HOXA2: variants seen among roughly 807,000 people sequenced by gnomAD.
The protein encoded by HOXA2 is homeobox protein Hox-A2.
HOXA2 carries 4 observed loss-of-function variants against 27.2 expected under a neutral mutation model. That is an observed-to-expected ratio of 0.15 (90% CI 0.07 to 0.34). HOXA2 has a LOEUF of 0.34. Ranked by LOEUF, HOXA2 falls within the 10% of genes least tolerant of loss-of-function variation. The pLI, the probability that HOXA2 is intolerant of heterozygous loss-of-function variation, is 1.00. For missense variants in HOXA2, 430 were observed against 473.2 expected, an observed-to-expected ratio of 0.91 and a Z score of 0.85; for synonymous variants, 200 against 202.8, an observed-to-expected ratio of 0.99 and a Z score of 0.12.
Position 27,100,633 on chromosome 7 carries a change from G to T in HOXA2, c.*93C>A, listed in dbSNP as rs1783908734. On this transcript the variant is annotated 3_prime_UTR_variant, in exon 2 of 2. Transcript: ENST00000222718. ...AAGGAGGGAAGGGGTAGGTCAAGAA[G>T]AAAATAAAAAATAAACTCCCAAATA... 5.6e-6 allele frequency: 8 copies of T among 1,418,754 alleles called. No homozygotes were observed. The highest frequency in any genetic ancestry group is 7.9e-6 in the Non-Finnish European group (8 of 1,009,836). The allele number at this position is 1,418,754 out of a possible 1,614,324, so 87.9% of individuals were successfully genotyped here.
rs867890451 is a variant in HOXA2, at chr7:27,102,152, C to T, written c.349G>A (p.Ala117Thr). 5 of 1,550,818 alleles carry T rather than the reference C, an allele frequency of 3.2e-6. No homozygotes were observed. The highest frequency in any genetic ancestry group is 1.2e-5 in the South Asian group (1 of 84,208). Residue 117 changes from alanine to threonine, a missense_variant, in exon 1 of 2, where the codon GCC becomes ACC. Coordinates refer to ENST00000222718, the MANE Select transcript of HOXA2 (RefSeq NM_006735.4). The surrounding 1 kb of genome is among the most constrained non-coding windows in gnomAD (Gnocchi z 4.6). Reference protein sequence around the residue: ...TALLPAAAAAATAAATGPACL... With the variant: ...TALLPAAAAATTAAATGPACL... ...GCAGGGCCGGTGGCTGCGGCGGTGG[C>T]GGCGGCGGCGGCGGCCGGCAGAAGT...
chr7:27,101,116 T>C lies in HOXA2; in HGVS notation c.741A>G (p.Glu247=). Residue 247 remains glutamate, a synonymous_variant, in exon 2 of 2, where the codon GAA becomes GAG. Transcript: ENST00000222718. ...GGGCATTTTGCTGAAAAGTGTAGCC[T>C]TCCCTCTCCAGAAGGGCCCCAGAGA... is the stretch of plus-strand genomic sequence containing the variant. ...LSVSGALLER[E]GYTFQQNALS... 1.2e-6 allele frequency: 2 copies of C among 1,614,222 alleles called. No individual in the cohort carries two copies. The highest frequency in any genetic ancestry group is 1.7e-6 in the Non-Finnish European group (2 of 1,180,038).
Position 27,100,644 on chromosome 7 carries a change from A to G in HOXA2, c.*82T>C. On this transcript the variant is annotated 3_prime_UTR_variant, in exon 2 of 2. Transcript: ENST00000222718. Reference sequence around the variant, plus strand: ...GGGTAGGTCAAGAAGAAAATAAAAAATAAACTCCCAAATAAAAGAAGGCAA... The same window carrying G: ...GGGTAGGTCAAGAAGAAAATAAAAAGTAAACTCCCAAATAAAAGAAGGCAA... 1 of 1,489,886 alleles carries G rather than the reference A, an allele frequency of 6.7e-7. No individual in the cohort carries two copies. The highest frequency in any genetic ancestry group is 9.3e-7 in the Non-Finnish European group (1 of 1,073,420). The allele number at this position is 1,489,886 out of a possible 1,614,324, so 92.3% of individuals were successfully genotyped here.
chr7:27,100,407 C>A lies in HOXA2; in HGVS notation c.*319G>T, dbSNP rs1783905512. On this transcript the variant is annotated 3_prime_UTR_variant, in exon 2 of 2. Coordinates refer to ENST00000222718, the MANE Select transcript of HOXA2 (RefSeq NM_006735.4). ...CAAAAAATATGCATGACAATGCATC[C>A]CAATGTAATACAAAAATAAAAAGAA... 2 of 307,514 alleles carry A rather than the reference C, an allele frequency of 6.5e-6. No homozygotes were observed. Among genetic ancestry groups the A allele is most frequent in the East Asian group, 7.5e-5 (1 of 13,290 alleles). 19.0% of individuals were successfully genotyped at this position (307,514 alleles called of 1,614,324 possible). A position where few individuals can be genotyped will look rare whatever the true frequency, so the allele number is the denominator to read the frequency against.
rs1434117320 is a variant in HOXA2, at chr7:27,101,190, C to T, written c.667G>A (p.Val223Ile). 3 of 1,614,062 alleles carry T rather than the reference C, an allele frequency of 1.9e-6. No individual in the cohort carries two copies. Among genetic ancestry groups the T allele is most frequent in the Non-Finnish European group, 2.5e-6 (3 of 1,180,042 alleles). Reference protein sequence around the residue: ...KCKSLEDSEKVEEDEEEKTLF... With the variant: ...KCKSLEDSEKIEEDEEEKTLF... ...GTCTTCTCTTCCTCGTCCTCCTCTA[C>T]TTTCTCGGAGTCCTCAAGGCTTTTA... is the stretch of plus-strand genomic sequence containing the variant. The change falls in exon 2 of 2, where the codon GTA becomes ATA. Residue 223 changes from valine (V) to isoleucine (I), a missense_variant. Physicochemically the swap from Val to Ile is conservative, Grantham distance 29. This residue lies in a region of HOXA2 where 236 missense variants were observed against 208.5 expected (regional missense o/e 1.13). Transcript: ENST00000222718.
chr7:27,100,820 C>A lies in HOXA2; in HGVS notation c.1037G>T (p.Gly346Val). 6.2e-7 allele frequency: 1 copy of A among 1,614,156 alleles called. No homozygotes were observed. Among genetic ancestry groups the A allele is most frequent in the Non-Finnish European group, 8.5e-7 (1 of 1,180,036 alleles). The change falls in exon 2 of 2, where the codon GGT becomes GTT. Residue 346 changes from glycine to valine, a missense_variant. This residue lies in a region of HOXA2 where 236 missense variants were observed against 208.5 expected (regional missense o/e 1.13). Transcript: ENST00000222718. Reference sequence around the variant, plus strand: ...AATATCTACGGGACTGTCGAGGGAACCTGGCAAACTGGGTGAAACTGCATC... The same window carrying A: ...AATATCTACGGGACTGTCGAGGGAAACTGGCAAACTGGGTGAAACTGCATC... ...LSDAVSPSLP[G>V]SLDSPVDISA...
rs773263654 is a variant in HOXA2 at position 27,100,750 on chromosome 7, G to A, written c.1107C>T (p.Ile369=). The change falls in exon 2 of 2, where the codon ATC becomes ATT. Residue 369 remains isoleucine (I), a synonymous_variant. Transcript: ENST00000222718. Reference sequence around the variant, plus strand: ...TTTAGTAATTCAGATGCTGCAAGTCGATTGTGGTGAGTGTGTCTGTAAAAA... The same window carrying A: ...TTTAGTAATTCAGATGCTGCAAGTCAATTGTGGTGAGTGTGTCTGTAAAAA... ...LDFFTDTLTT[I]DLQHLNY 1.1e-5 allele frequency: 18 copies of A among 1,614,094 alleles called. No individual in the cohort carries two copies. The highest frequency in any genetic ancestry group is 6.7e-5 in the East Asian group (3 of 44,904).
Position 27,101,143 on chromosome 7 carries a change from G to A in HOXA2, c.714C>T (p.Ser238=). 1.9e-6 allele frequency: 3 copies of A among 1,614,132 alleles called. No individual in the cohort carries two copies. The highest frequency in any genetic ancestry group is 2.5e-6 in the Non-Finnish European group (3 of 1,180,016). The change falls in exon 2 of 2, where the codon AGC becomes AGT. Residue 238 remains serine, a synonymous_variant. Coordinates refer to ENST00000222718, the MANE Select transcript of HOXA2 (RefSeq NM_006735.4). ...EEKTLFEQAL[S]VSGALLEREG... is the part of the protein sequence containing the mutation. ...CCCTCTCCAGAAGGGCCCCAGAGAC[G>A]CTAAGGGCTTGCTCAAAGAGCGTCT...
chr7:27,102,600 A>T lies in HOXA2; in HGVS notation c.-100T>A. The T allele has an allele frequency of 1.7e-6, 2 of 1,191,432 alleles. No homozygotes were observed. Among genetic ancestry groups the T allele is most frequent in the Admixed American group, 3.6e-5 (2 of 55,154 alleles). 73.8% of individuals were successfully genotyped at this position (1,191,432 alleles called of 1,614,324 possible). On this transcript the variant is annotated 5_prime_UTR_variant, in exon 1 of 2. Transcript: ENST00000222718. This position sits in a 1 kb window ranked among gnomAD's most constrained non-coding sequence, Gnocchi z 4.6. The stretch of plus-strand genomic sequence containing the variant: ...AAAAGGCGAGCGCAGAGGAAAAAAA[A>T]TCTATCATAGAATATCGCTGCTAGG...
rs1298901271 is a variant in HOXA2, at chr7:27,102,305, G to A, written c.196C>T (p.Arg66Cys). ...TTGGGGCGGCCGCCAGCGCCGTGGC[G>A]AGGGTGACTGCCGGGGTTCAGGCTG... ...IPSLNPGSHPRHGAGGRPKPS... is the reference protein window; with the variant it reads ...IPSLNPGSHPCHGAGGRPKPS... The change falls in exon 1 of 2, where the codon CGC becomes TGC. Residue 66 changes from arginine (R) to cysteine (C), a missense_variant. Transcript: ENST00000222718. The surrounding 1 kb of genome is among the most constrained non-coding windows in gnomAD (Gnocchi z 4.6). The A allele has an allele frequency of 1.2e-6, 2 of 1,611,692 alleles. No individual in the cohort carries two copies. Among genetic ancestry groups the A allele is most frequent in the East Asian group, 2.2e-5 (1 of 44,742 alleles).
rs1479901431 is a variant in HOXA2 at position 27,102,027 on chromosome 7, T to C, written c.391+83A>G. On this transcript the variant is annotated intron_variant, in intron 1 of 1. Coordinates refer to ENST00000222718, the MANE Select transcript of HOXA2 (RefSeq NM_006735.4). This position sits in a 1 kb window ranked among gnomAD's most constrained non-coding sequence, Gnocchi z 4.6. ...CTCCTCCTTCTCTCCCAGCCCACTC[T>C]CCCCTCCCCCCACAGCCACTCTCGG... 11 of 1,558,352 alleles carry C rather than the reference T, an allele frequency of 7.1e-6. No homozygotes were observed. In the South Asian group the frequency reaches 8.1e-5, roughly 11 times the overall value.
Position 27,100,730 on chromosome 7 carries a change from T to C in HOXA2, c.1127A>G (p.Tyr376Cys). ...LTTIDLQHLN[Y>C] ...CTTTGTTTTGCTTTAATGTTTTTAG[T>C]AATTCAGATGCTGCAAGTCGATTGT... Residue 376 changes from tyrosine to cysteine, a missense_variant, in exon 2 of 2, where the codon TAC (tyrosine) becomes TGC (cysteine). Tyr to Cys is a radical substitution (Grantham distance 194, BLOSUM62 -2). Around this residue, in one of 4 missense-constraint regions of HOXA2, gnomAD observed 236 missense variants for 208.5 expected, o/e 1.13. Coordinates refer to ENST00000222718, the MANE Select transcript of HOXA2 (RefSeq NM_006735.4). 6 of 1,614,184 alleles carry C rather than the reference T, an allele frequency of 3.7e-6. No individual in the cohort carries two copies. The highest frequency in any genetic ancestry group is 1.6e-4 in the Middle Eastern group (1 of 6,062).
Position 27,102,212 on chromosome 7 carries a change from A to C in HOXA2, c.289T>G (p.Trp97Gly). 1 of 1,534,688 alleles carries C rather than the reference A, an allele frequency of 6.5e-7. No individual in the cohort carries two copies. The highest frequency in any genetic ancestry group is 8.8e-7 in the Non-Finnish European group (1 of 1,140,846). The stretch of plus-strand genomic sequence containing the variant: ...TTGGCCGCCTTCTTCTCCTTCATCC[A>C]GGGGTACTCGGGCGGCTGCAGGGCG... ...AGALQPPEYP[W>G]MKEKKAAKKT... Residue 97 changes from tryptophan (W) to glycine (G), a missense_variant, in exon 1 of 2, where the codon TGG becomes GGG. Around this residue, in one of 4 missense-constraint regions of HOXA2, gnomAD observed 166 missense variants for 207.6 expected, o/e 0.80. Transcript: ENST00000222718. The surrounding 1 kb of genome is among the most constrained non-coding windows in gnomAD (Gnocchi z 4.6).
At chr7:27,101,739 T>G (rs908876188) in intron 1 of HOXA2, 40 of 661,350 alleles carry the variant, frequency 6.0e-5, no homozygotes, top group Non-Finnish European at 8.5e-5. Context: ...AATTTATAAT[T>G]AATGCGTCAG....
Position 27,102,363 on chromosome 7 carries a change from T to C in HOXA2, c.138A>G (p.Thr46=), listed in dbSNP as rs781014558. 3.7e-6 allele frequency: 6 copies of C among 1,614,090 alleles called. No homozygotes were observed. The highest frequency in any genetic ancestry group is 1.6e-4 in the Middle Eastern group (1 of 6,062). Residue 46 remains threonine, a synonymous_variant, in exon 1 of 2, where the codon ACA becomes ACG. Transcript: ENST00000222718. This position sits in a 1 kb window ranked among gnomAD's most constrained non-coding sequence, Gnocchi z 4.6. ...TCTGCTCAAAAGGAGGAGGAATCAG[T>C]GTCGAGTGTGAAAGCGTCGAGGTCT... ...SIKTSTLSHS[T]LIPPPFEQTI...
Position 27,102,017 on chromosome 7 carries a change from C to T in HOXA2, c.391+93G>A. ...ATCTCTCCCTCTCCTCCTTCTCTCC[C>T]AGCCCACTCTCCCCTCCCCCCACAG... is the stretch of plus-strand genomic sequence containing the variant. On this transcript the variant is annotated intron_variant, in intron 1 of 1. Coordinates refer to ENST00000222718, the MANE Select transcript of HOXA2 (RefSeq NM_006735.4). This position sits in a 1 kb window ranked among gnomAD's most constrained non-coding sequence, Gnocchi z 4.6. The T allele has an allele frequency of 6.5e-7, 1 of 1,542,994 alleles. No individual in the cohort carries two copies.
chr7:27,101,434 C>A lies in HOXA2; in HGVS notation c.423G>T (p.Gly141=). Residue 141 remains glycine (G), a synonymous_variant, in exon 2 of 2, where the codon GGG becomes GGT. Coordinates refer to ENST00000222718, the MANE Select transcript of HOXA2 (RefSeq NM_006735.4). ...AAGCAGTTCTCAGGCGCCGCGATCCCCCGCCGCTGCCATCGGCGATTTCCA... is the reference window on the plus strand; with the variant it reads ...AAGCAGTTCTCAGGCGCCGCGATCCACCGCCGCTGCCATCGGCGATTTCCA... ...ESLEIADGSG[G]GSRRLRTAYT... is the part of the protein sequence containing the mutation. 6.2e-7 allele frequency: 1 copy of A among 1,600,814 alleles called. No homozygotes were observed. Among genetic ancestry groups the A allele is most frequent in the Non-Finnish European group, 8.5e-7 (1 of 1,179,964 alleles).
rs1783945350 is a variant in HOXA2, at chr7:27,102,417, G to A, written c.84C>T (p.Val28=). ...TTGATGAACTTTGAAATGTATCAGC[G>A]ACAGGGGGAAAAGATGTCAGGCACT... The part of the protein sequence containing the change: ...LAECLTSFPP[V]ADTFQSSSIK... The change falls in exon 1 of 2, where the codon GTC becomes GTT. Residue 28 remains valine (V), a synonymous_variant. Coordinates refer to ENST00000222718, the MANE Select transcript of HOXA2 (RefSeq NM_006735.4). The surrounding 1 kb of genome is among the most constrained non-coding windows in gnomAD (Gnocchi z 4.6). 6.2e-7 allele frequency: 1 copy of A among 1,614,020 alleles called. No homozygotes were observed. The highest frequency in any genetic ancestry group is 1.7e-5 in the Admixed American group (1 of 60,010).
At position 27,102,172 on chromosome 7, in the gene HOXA2, A is replaced by G; in HGVS notation, c.329T>C (p.Leu110Pro). 1 of 1,567,894 alleles carries G rather than the reference A, an allele frequency of 6.4e-7. No individual in the cohort carries two copies. Among genetic ancestry groups the G allele is most frequent in the Non-Finnish European group, 8.6e-7 (1 of 1,156,726 alleles). ...EKKAAKKTAL[L>P]PAAAAAATAA... is the part of the protein sequence containing the mutation. Reference sequence around the variant, plus strand: ...GGTGGCGGCGGCGGCGGCGGCCGGCAGAAGTGCGGTTTTCTTGGCCGCCTT... The same window carrying G: ...GGTGGCGGCGGCGGCGGCGGCCGGCGGAAGTGCGGTTTTCTTGGCCGCCTT... The change falls in exon 1 of 2, where the codon CTG becomes CCG. Residue 110 changes from leucine to proline, a missense_variant. Around this residue, in one of 4 missense-constraint regions of HOXA2, gnomAD observed 166 missense variants for 207.6 expected, o/e 0.80. Coordinates refer to ENST00000222718, the MANE Select transcript of HOXA2 (RefSeq NM_006735.4). The surrounding 1 kb of genome is among the most constrained non-coding windows in gnomAD (Gnocchi z 4.6).
Sources: gnomAD v4.1 joint callset for allele counts on GRCh38, gnomAD v4.1.1 for gene constraint, gnomAD v4.1.1 regional missense constraint, Gnocchi (gnomAD v3.1) non-coding constraint, MANE v1.5 for transcripts, NCBI Gene and HGNC (gene_info 2026-07-23, HGNC 2026-07-21) for gene names.